TMTC1: variants seen among roughly 807,000 people sequenced by gnomAD.
The protein encoded by TMTC1 is transmembrane O-mannosyltransferase targeting cadherins 1, also known as protein O-mannosyl-transferase TMTC1.
Under a neutral mutation model 104.8 loss-of-function variants are expected in TMTC1, and 73 were observed. The observed-to-expected ratio is 0.70, with a 90% CI of 0.58 to 0.85. The LOEUF (loss-of-function observed/expected upper bound fraction) is 0.85. Among genes scored for constraint, TMTC1 ranks in the 40% least tolerant of loss-of-function variants. The pLI is 0.00. For synonymous variants in TMTC1, 434 were observed against 428.7 expected, an observed-to-expected ratio of 1.01 and a Z score of -0.15; for missense variants, 1,035 against 1,096.1, an observed-to-expected ratio of 0.94 and a Z score of 0.79.
In TMTC1 at chr12:29,600,010, T is replaced by TATATATATATA. The variant is rs71985661; in HGVS notation, c.1250+4167_1250+4168insTATATATATAT. ...TGTATATACATATATATATATATAT[T>TATATATATATA]TTTTTTTTTTTTTCCCTCAAAAGAG... On this transcript the variant is annotated intron_variant, in intron 7 of 17. Coordinates refer to ENST00000539277, the MANE Select transcript of TMTC1 (RefSeq NM_001193451.2). 4.3e-4 allele frequency among the ~76,000 whole-genome samples: 41 copies of TATATATATATA among 96,334 alleles called. 1 individual carries two copies. The highest frequency in any genetic ancestry group is 1.6e-3 in the African/African-American group (36 of 22,636). The allele number at this position is 96,334 out of a possible 152,430, so 63.2% of individuals were successfully genotyped here.
intron 4 of TMTC1, among the ~76,000 whole-genome samples, chr12:29,753,216 T>C (rs302337): frequency 0.42 from 63,164 of 151,908 alleles, 13,555 homozygotes; most frequent in Admixed American, 0.55. Flanking sequence ...GACTGGGGAG[T>C]AGACCCCTAG....
chr12:29,718,151 G>A (rs1008939829), intron 5 of TMTC1, among the ~76,000 whole-genome samples: 1 of 152,132 alleles, frequency 6.6e-6, no homozygotes, highest in Admixed American at 6.5e-5. Context: ...CTGTACACAA[G>A]ATTGAAAATA....
intron 5 of TMTC1, among the ~76,000 whole-genome samples, chr12:29,669,118 G>C (rs1940403722): frequency 1.7e-5 from 1 of 58,338 alleles, no homozygotes; most frequent in Non-Finnish European, 2.8e-5. Flanking sequence ...TGCTCCAAGT[G>C]ACAAATGTAG....
chr12:29,517,303 T>C lies in TMTC1; in HGVS notation c.2169+124A>G, dbSNP rs1019595883. ...GAGAATGGCTCTAACATTAGCTGTA[T>C]GAATATTCATACAGTGGATATATTA... On this transcript the variant is annotated intron_variant, in intron 14 of 17. Transcript: ENST00000539277. 1.7e-5 allele frequency: 17 copies of C among 1,029,104 alleles called. No homozygotes were observed. The East Asian group carries it at 1.7e-4, about 10-fold the overall frequency. The allele number at this position is 1,029,104 out of a possible 1,614,324, so 63.7% of individuals were successfully genotyped here. A position where few individuals can be genotyped will look rare whatever the true frequency, so the allele number is the denominator to read the frequency against.
intron 11 of TMTC1, among the ~76,000 whole-genome samples, chr12:29,532,099 T>G (rs1024466180): frequency 6.6e-6 from 1 of 152,180 alleles, no homozygotes; most frequent in Non-Finnish European, 1.5e-5. Context: ...TATTCTTCAT[T>G]TTCTCCTCGA....
At chr12:29,740,167 C>G (rs1181555825) in intron 5 of TMTC1, among the ~76,000 whole-genome samples, 1 of 152,138 alleles carries the variant, frequency 6.6e-6, no homozygotes, top group Non-Finnish European at 1.5e-5. Flanking sequence ...GTGTGCACCA[C>G]CATGCCTAGC....
In TMTC1 at chr12:29,501,985, G is replaced by A. The variant is rs1943604334; in HGVS notation, c.*4861C>T. 6.6e-6 allele frequency: 1 copy of A among 152,012 alleles called. No homozygotes were observed. The highest frequency in any genetic ancestry group is 1.5e-5 in the Non-Finnish European group (1 of 68,000). The allele number at this position is 152,012 out of a possible 1,614,324, so 9.4% of individuals were successfully genotyped here. A position where few individuals can be genotyped will look rare whatever the true frequency, so the allele number is the denominator to read the frequency against. ...TAATATTTTTTGGAAGAACTATTCA[G>A]CATATTTTCCTTTTGCATCAAAAAC... On this transcript the variant is annotated 3_prime_UTR_variant, in exon 18 of 18. Transcript: ENST00000539277.
intron 5 of TMTC1, among the ~76,000 whole-genome samples, chr12:29,652,801 C>T (rs905347708): frequency 6.6e-6 from 1 of 152,192 alleles, no homozygotes; most frequent in Non-Finnish European, 1.5e-5. Flanking sequence ...GTGGCTCACG[C>T]CTGAAATTCC....
intron 5 of TMTC1, among the ~76,000 whole-genome samples, chr12:29,637,531 A>G (rs951774720): frequency 6.6e-6 from 1 of 152,204 alleles, no homozygotes; most frequent in Non-Finnish European, 1.5e-5. Flanking sequence ...TAAGCCAGAA[A>G]AGAGTAAAGA....
chr12:29,624,898 G>C (rs1279727068), intron 6 of TMTC1, among the ~76,000 whole-genome samples: 1 of 152,138 alleles, frequency 6.6e-6, no homozygotes, highest in African/African-American at 2.4e-5. Flanking sequence ...TTCAATATAA[G>C]CCAAGGTTGT....
intron 5 of TMTC1, among the ~76,000 whole-genome samples, chr12:29,666,657 G>T (rs1591894167): frequency 6.6e-6 from 1 of 152,090 alleles, no homozygotes; most frequent in South Asian, 2.1e-4. Context: ...CACTGGAAAT[G>T]GTAATAGTGC....
chr12:29,557,606 C>T (rs939327977), intron 9 of TMTC1, among the ~76,000 whole-genome samples: 31 of 152,188 alleles, frequency 2.0e-4, no homozygotes, highest in African/African-American at 4.8e-4. Context: ...TCCGCCACCA[C>T]GCCCAGTTAA....
At chr12:29,643,430 GATAT>G (rs140009038) in intron 5 of TMTC1, among the ~76,000 whole-genome samples, 3 of 121,146 alleles carry the variant, frequency 2.5e-5, no homozygotes, top group African/African-American at 6.1e-5. Context: ...GATAAACTGT[GATAT>G]ATATATATAT....
chr12:29,686,950 T>C (rs1402674540), intron 5 of TMTC1, among the ~76,000 whole-genome samples: 1 of 152,088 alleles, frequency 6.6e-6, no homozygotes, highest in African/African-American at 2.4e-5. Flanking sequence ...ATATGGATTA[T>C]AGCATGTTTT....
intron 7 of TMTC1, among the ~76,000 whole-genome samples, chr12:29,595,649 G>A (rs1946385634): frequency 6.6e-6 from 1 of 152,230 alleles, no homozygotes; most frequent in Non-Finnish European, 1.5e-5. Context: ...CAAAGGGCTG[G>A]ATGGAGCAGT....
At chr12:29,515,438 T>C (rs4931200) in intron 15 of TMTC1, among the ~76,000 whole-genome samples, 48,899 of 152,072 alleles carry the variant, frequency 0.32, 8,672 homozygotes, top group African/African-American at 0.46. Flanking sequence ...ACGGTGCTCC[T>C]GCTCCCTCAC....
At chr12:29,532,352 T>C (rs1403675268) in intron 11 of TMTC1, among the ~76,000 whole-genome samples, 2 of 152,260 alleles carry the variant, frequency 1.3e-5, no homozygotes, top group East Asian at 3.9e-4. Flanking sequence ...GAAATTATTC[T>C]GGAATTTATC....
At position 29,627,453 on chromosome 12, in the gene TMTC1, A is replaced by G. The variant is rs146909154; in HGVS notation, c.1128+5694T>C. On this transcript the variant is annotated intron_variant, in intron 6 of 17. Transcript: ENST00000539277. Reference sequence around the variant, plus strand: ...ATAGCTTTAATTAAAATAACAAAAGATAAATAACAAGTGTTGGTTGGGATG... The same window carrying G: ...ATAGCTTTAATTAAAATAACAAAAGGTAAATAACAAGTGTTGGTTGGGATG... Among the ~76,000 whole-genome samples the G allele has an allele frequency of 2.7e-4, 41 of 152,328 alleles. No homozygotes were observed. In the East Asian group the frequency reaches 6.6e-3, roughly 24 times the overall value.
intron 2 of TMTC1, among the ~76,000 whole-genome samples, chr12:29,761,436 A>G (rs967231961): frequency 4.6e-5 from 7 of 152,194 alleles, no homozygotes; most frequent in East Asian, 3.8e-4. Context: ...GATAGAAAGT[A>G]TACAGTTATT....
Sources: allele counts gnomAD v4.1 joint callset (sites outside exome capture counted in the v4.1 genomes callset), GRCh38; gene constraint gnomAD v4.1.1; transcripts MANE v1.5; gene names NCBI Gene and HGNC (gene_info 2026-07-23, HGNC 2026-07-21).